The following IL7 variants were observed in gnomAD, a reference collection of about 807,000 sequenced individuals.
The protein encoded by IL7 is interleukin-7.
In IL7, 3 loss-of-function variants were observed where a neutral mutation model predicts 21.6. The ratio of observed to expected loss-of-function variants is 0.14; its 90% CI spans 0.06 to 0.36. IL7 has a LOEUF of 0.36. IL7 is among the 10% of genes least tolerant of loss of function. The pLI is 1.00. For synonymous variants in IL7, 62 were observed against 68.1 expected (o/e 0.91, Z 0.44); for missense variants, 175 against 200.2 (o/e 0.87, Z 0.76).
chr8:78,697,412 G>A (rs35904168), intron 3 of IL7: 96,290 of 1,592,574 alleles, frequency 0.06, 3,388 homozygotes, highest in Middle Eastern at 0.068. Context: ...TTTAGTATAA[G>A]CCACCCGCAC....
intron 4 of IL7, among the ~76,000 whole-genome samples, chr8:78,685,211 A>T (rs1230234670): frequency 1.3e-5 from 2 of 151,514 alleles, no homozygotes; most frequent in East Asian, 3.9e-4. Context: ...TTGTGGGGGG[A>T]CAGGGAGGGG....
intron 2 of IL7, among the ~76,000 whole-genome samples, chr8:78,790,604 T>C (rs562833426): frequency 7.2e-5 from 11 of 152,172 alleles, no homozygotes; most frequent in Non-Finnish European, 1.6e-4. Flanking sequence ...AATATACATA[T>C]GGACTAGTAC....
At chr8:78,763,049 G>A (rs1214693706) in intron 2 of IL7, among the ~76,000 whole-genome samples, 3 of 152,178 alleles carry the variant, frequency 2.0e-5, no homozygotes, top group Non-Finnish European at 4.4e-5. Flanking sequence ...CATTGTCTGA[G>A]AGTTCTTCAT....
chr8:78,789,857 T>C (rs1813628030), intron 2 of IL7, among the ~76,000 whole-genome samples: 1 of 152,122 alleles, frequency 6.6e-6, no homozygotes, highest in East Asian at 1.9e-4. Context: ...AGGAAAATGC[T>C]AAAATTACCT....
chr8:78,678,771 C>A lies in IL7; in HGVS notation n.274-2667G>T, dbSNP rs550075145. ...CTGTTACAGTAAGGTTAAGAATAAA[C>A]ACAATTATCTGCTACATTAAGATTA... is the stretch of plus-strand genomic sequence containing the variant. On this transcript the variant is annotated intron_variant and non_coding_transcript_variant, in intron 4 of 4. Transcript: ENST00000523959. 685 of 751,108 alleles carry A rather than the reference C, an allele frequency of 9.1e-4. 3 individuals are homozygous for A. Among genetic ancestry groups the A allele is most frequent in the Non-Finnish European group, 1.3e-3 (608 of 482,480 alleles). 46.5% of individuals were successfully genotyped at this position (751,108 alleles called of 1,614,324 possible).
intron 2 of IL7, among the ~76,000 whole-genome samples, chr8:78,765,332 G>A (rs904837970): frequency 6.6e-6 from 1 of 152,066 alleles, no homozygotes; most frequent in Admixed American, 6.5e-5. Context: ...TTGATAAGCT[G>A]AGCTCCATTA....
In IL7 at chr8:78,761,039, A is replaced by G. The variant is rs1812537751; in HGVS notation, c.148-20957T>C. Reference sequence around the variant, plus strand: ...GCAGAGTACAAATGCTCGGCCAGCTATACAGTTATTCCATCTAATATTTGT... The same window carrying G: ...GCAGAGTACAAATGCTCGGCCAGCTGTACAGTTATTCCATCTAATATTTGT... On this transcript the variant is annotated intron_variant, in intron 2 of 5. Coordinates refer to ENST00000263851, the MANE Select transcript of IL7 (RefSeq NM_000880.4). 6 of 1,612,556 alleles carry G rather than the reference A, an allele frequency of 3.7e-6. No individual in the cohort carries two copies. The South Asian group carries it at 6.6e-5, about 18-fold the overall frequency.
chr8:78,778,404 C>T lies in IL7; in HGVS notation c.147+19668G>A, dbSNP rs150879271. 1.5e-4 allele frequency among the ~76,000 whole-genome samples: 23 copies of T among 152,180 alleles called. No homozygotes were observed. The East Asian group carries it at 4.4e-3, about 29-fold the overall frequency. ...ACTAGAGTTCTTGAAGAGGGGAATACATCATTCAGATTTGAGTTGACAGAT... is the reference window on the plus strand; with the variant it reads ...ACTAGAGTTCTTGAAGAGGGGAATATATCATTCAGATTTGAGTTGACAGAT... On this transcript the variant is annotated intron_variant, in intron 2 of 5. Transcript: ENST00000263851.
chr8:78,700,627 T>G (rs1810570136), intron 3 of IL7, among the ~76,000 whole-genome samples: 1 of 152,188 alleles, frequency 6.6e-6, no homozygotes, highest in East Asian at 1.9e-4. Flanking sequence ...TCCAGGGTTT[T>G]TATAGTTTTT....
intron 2 of IL7, among the ~76,000 whole-genome samples, chr8:78,750,276 G>C (rs1159009348): frequency 3.3e-5 from 5 of 152,032 alleles, no homozygotes; most frequent in African/African-American, 9.7e-5. Flanking sequence ...CAGGTCACAG[G>C]CTCGCCAAAA....
At chr8:78,715,470 C>T (rs1394644144), downstream of IL7, 11 of 688,764 alleles carry the variant, frequency 1.6e-5, no homozygotes, top group African/African-American at 3.7e-5. Context: ...AAGTTGTACA[C>T]CTCTAATGGA....
intron 2 of IL7, among the ~76,000 whole-genome samples, chr8:78,759,078 T>A (rs1197333379): frequency 1.2e-4 from 18 of 151,466 alleles, no homozygotes; most frequent in Non-Finnish European, 1.2e-4. Flanking sequence ...CCTTTTTTTT[T>A]AATCTGGCTT....
At chr8:78,705,637 C>G (rs1317547936) in intron 3 of IL7, among the ~76,000 whole-genome samples, 1 of 152,140 alleles carries the variant, frequency 6.6e-6, no homozygotes, top group African/African-American at 2.4e-5. Flanking sequence ...ACTTCCACCT[C>G]TGGGTCGGCA....
At position 78,685,223 on chromosome 8, in the gene IL7, G is replaced by A. The variant is rs145194089; in HGVS notation, n.273+666C>T. Among the ~76,000 whole-genome samples the A allele has an allele frequency of 3.6e-3, 532 of 149,410 alleles. 4 individuals carry two copies. The highest frequency in any genetic ancestry group is 0.01 in the African/African-American group (424 of 40,794). The stretch of plus-strand genomic sequence containing the variant: ...CTGTTGTGGGGGGACAGGGAGGGGA[G>A]AGTCACTAAAGGATAGGACAACTGC... On this transcript the variant is annotated intron_variant and non_coding_transcript_variant, in intron 4 of 4. Coordinates refer to the IL7 transcript ENST00000523959.
Position 78,701,632 on chromosome 8 carries a change from C to T in IL7, n.215-15685G>A, listed in dbSNP as rs148853025. ...TTCAGTATGATGTTGGCTGTGGATT[C>T]GTCATAAGTGGCTAATATTTTGAGG... On this transcript the variant is annotated intron_variant and non_coding_transcript_variant, in intron 3 of 4. Transcript: ENST00000523959. Among the ~76,000 whole-genome samples, 30 of 152,214 alleles carry T rather than the reference C, an allele frequency of 2.0e-4. 1 individual carries two copies. The East Asian group carries it at 4.6e-3, about 24-fold the overall frequency.
At chr8:78,753,799 C>T (rs2717541) in intron 2 of IL7, among the ~76,000 whole-genome samples, 29,072 of 152,058 alleles carry the variant, frequency 0.19, 3,881 homozygotes, top group African/African-American at 0.37. Context: ...ATATGGCTAG[C>T]CAGTTTTCCC....
chr8:78,708,562 TAAAA>T (rs549929700), intron 3 of IL7, among the ~76,000 whole-genome samples: 52 of 151,622 alleles, frequency 3.4e-4, no homozygotes, highest in Non-Finnish European at 6.9e-4. Flanking sequence ...TTTTTAAATG[TAAAA>T]AAAAGCAATC....
intron 1 of IL7, among the ~76,000 whole-genome samples, chr8:78,799,742 C>T (rs1315844070): frequency 1.3e-5 from 2 of 151,948 alleles, no homozygotes; most frequent in Non-Finnish European, 2.9e-5. Flanking sequence ...GGATGCTAAC[C>T]TGAATTTGTT....
At chr8:78,738,205 A>C (rs1811657687) in intron 4 of IL7, among the ~76,000 whole-genome samples, 2 of 152,180 alleles carry the variant, frequency 1.3e-5, no homozygotes, top group African/African-American at 2.4e-5. Flanking sequence ...TAGATATAGA[A>C]ATTTACCATT....
Sources: allele counts gnomAD v4.1 joint callset (sites outside exome capture counted in the v4.1 genomes callset), GRCh38; gene constraint gnomAD v4.1.1; transcripts MANE v1.5; gene names NCBI Gene and HGNC (gene_info 2026-07-23, HGNC 2026-07-21).